Variants in ENTHD1 observed in about 807,000 individuals in gnomAD.
ENTHD1 encodes ENTH domain containing 1.
In ENTHD1, 23 loss-of-function variants were observed where a neutral mutation model predicts 39.1. The ratio of observed to expected loss-of-function variants is 0.59; its 90% CI spans 0.42 to 0.83. The LOEUF (loss-of-function observed/expected upper bound fraction) is 0.83. Among genes scored for constraint, ENTHD1 ranks in the 40% least tolerant of loss-of-function variants. The pLI, the probability that ENTHD1 is intolerant of heterozygous loss-of-function variation, is 0.00. For synonymous variants in ENTHD1, 230 were observed against 258.2 expected (o/e 0.89, Z 1.05); for missense variants, 624 against 705.4 (o/e 0.88, Z 1.31).
intron 4 of ENTHD1, among the ~76,000 whole-genome samples, chr22:39,824,438 T>C (rs1300771346): frequency 6.6e-6 from 1 of 152,064 alleles, no homozygotes; most frequent in African/African-American, 2.4e-5. Context: ...CTCAAACTCC[T>C]GACCTAGTGA....
chr22:39,891,708 T>C (rs890141429), intron 1 of ENTHD1, among the ~76,000 whole-genome samples: 1 of 151,690 alleles, frequency 6.6e-6, no homozygotes. Flanking sequence ...AACCTCCACC[T>C]CCCAGGTTCA....
At chr22:39,769,056 T>A (rs572339367) in intron 5 of ENTHD1, among the ~76,000 whole-genome samples, 11 of 151,776 alleles carry the variant, frequency 7.2e-5, no homozygotes, top group East Asian at 1.9e-4. Flanking sequence ...ATACACACAC[T>A]AACTTGTGTA....
At chr22:39,856,274 CAAAAAA>C (rs34598525) in intron 3 of ENTHD1, among the ~76,000 whole-genome samples, 2 of 50,768 alleles carry the variant, frequency 3.9e-5, no homozygotes, top group Non-Finnish European at 8.2e-5. Flanking sequence ...AACTTCATCT[CAAAAAA>C]AAAAAAAAAA....
chr22:39,838,816 A>T (rs1182495615), intron 3 of ENTHD1, among the ~76,000 whole-genome samples: 5 of 152,162 alleles, frequency 3.3e-5, no homozygotes, highest in African/African-American at 1.2e-4. Context: ...TGTAGAGAAG[A>T]TTTCCAAGCA....
At chr22:39,849,211 G>A (rs186665604) in intron 3 of ENTHD1, among the ~76,000 whole-genome samples, 16 of 152,300 alleles carry the variant, frequency 1.1e-4, no homozygotes, top group Admixed American at 7.8e-4. Flanking sequence ...TCTGGAATCA[G>A]TACATCAAAT....
intron 3 of ENTHD1, among the ~76,000 whole-genome samples, chr22:39,849,064 C>A (rs2066014551): frequency 6.6e-6 from 1 of 152,116 alleles, no homozygotes. Context: ...TTGGTCCATG[C>A]ACCTATCCTG....
chr22:39,764,013 A>C (rs1164751076), intron 6 of ENTHD1, among the ~76,000 whole-genome samples: 2 of 152,192 alleles, frequency 1.3e-5, no homozygotes, highest in Non-Finnish European at 1.5e-5. Context: ...CCTTTAGGCT[A>C]TTCAGTATCA....
intron 6 of ENTHD1, among the ~76,000 whole-genome samples, chr22:39,748,751 C>A (rs1383424139): frequency 6.6e-6 from 1 of 152,036 alleles, no homozygotes; most frequent in African/African-American, 2.4e-5. Context: ...TTTAAAGATA[C>A]GCAGTTAGGT....
At chr22:39,784,543 TACACACACACACACACACACAC>T (rs3044403) in intron 5 of ENTHD1, among the ~76,000 whole-genome samples, 1 of 142,360 alleles carries the variant, frequency 7.0e-6, no homozygotes, top group African/African-American at 2.6e-5. Context: ...TCTCTCTGTA[TACACACACACACACACACACAC>T]ACACACACAC....
At position 39,786,875 on chromosome 22, in the gene ENTHD1, T is replaced by A. The variant is rs540880607; in HGVS notation, c.833-21266A>T. Among the ~76,000 whole-genome samples the A allele has an allele frequency of 4.1e-4, 62 of 152,334 alleles. 1 individual carries two copies. Among genetic ancestry groups the A allele is most frequent in the African/African-American group, 1.3e-3 (52 of 41,580 alleles). On this transcript the variant is annotated intron_variant, in intron 5 of 6. Coordinates refer to ENST00000325157, the MANE Select transcript of ENTHD1 (RefSeq NM_152512.4). Reference sequence around the variant, plus strand: ...GTTGTCACAAATGACAGGATTTTTTTAAAAAGACTGAATAGTATTCCATTA... The same window carrying A: ...GTTGTCACAAATGACAGGATTTTTTAAAAAAGACTGAATAGTATTCCATTA...
chr22:39,879,704 A>G (rs2146762611), intron 2 of ENTHD1, among the ~76,000 whole-genome samples: 1 of 152,242 alleles, frequency 6.6e-6, no homozygotes, highest in Admixed American at 6.5e-5. Context: ...GCCACTTTAA[A>G]AGACAGTTTG....
At chr22:39,800,227 T>C (rs919540478) in intron 5 of ENTHD1, among the ~76,000 whole-genome samples, 2 of 152,204 alleles carry the variant, frequency 1.3e-5, no homozygotes, top group Non-Finnish European at 2.9e-5. Flanking sequence ...CTGGCTGCCT[T>C]GCTTCCCTCT....
intron 2 of ENTHD1, among the ~76,000 whole-genome samples, chr22:39,878,027 T>C (rs191286668): frequency 1.2e-4 from 18 of 150,442 alleles, no homozygotes; most frequent in Admixed American, 5.3e-4. Context: ...AAAATAACTA[T>C]GATTAATATG....
chr22:39,869,044 T>C (rs1399478056), intron 2 of ENTHD1, among the ~76,000 whole-genome samples: 1 of 152,220 alleles, frequency 6.6e-6, no homozygotes, highest in Non-Finnish European at 1.5e-5. Context: ...CGTTCAACCA[T>C]GGTAGAAAAC....
At chr22:39,744,481 A>G (rs1184173248) in intron 6 of ENTHD1, among the ~76,000 whole-genome samples, 198 bp from the exon 7 acceptor site, 2 of 152,218 alleles carry the variant, frequency 1.3e-5, no homozygotes, top group Admixed American at 1.3e-4. Context: ...GATGTATTAT[A>G]TATCAATAAT....
chr22:39,797,464 G>C (rs898839532), intron 5 of ENTHD1, among the ~76,000 whole-genome samples: 1 of 152,134 alleles, frequency 6.6e-6, no homozygotes, highest in African/African-American at 2.4e-5. Flanking sequence ...TATCACTGTA[G>C]TTGGGTGGTT....
chr22:39,783,484 C>G (rs1005560658), intron 5 of ENTHD1, among the ~76,000 whole-genome samples: 2 of 152,104 alleles, frequency 1.3e-5, no homozygotes, highest in African/African-American at 4.8e-5. Flanking sequence ...AGGCATCACA[C>G]TACCTCACTT....
At chr22:39,788,581 A>T (rs1375516281) in intron 5 of ENTHD1, among the ~76,000 whole-genome samples, 2 of 152,344 alleles carry the variant, frequency 1.3e-5, no homozygotes, top group South Asian at 4.1e-4. Context: ...AGAATATTAC[A>T]TAAATGTAGT....
intron 4 of ENTHD1, among the ~76,000 whole-genome samples, chr22:39,831,627 C>A (rs1601625592): frequency 6.6e-6 from 1 of 151,952 alleles, no homozygotes; most frequent in East Asian, 1.9e-4. Flanking sequence ...GAGTTCAAGA[C>A]CAGCCTGGCC....
Sources: allele counts gnomAD v4.1 joint callset (sites outside exome capture counted in the v4.1 genomes callset), GRCh38; gene constraint gnomAD v4.1.1; transcripts MANE v1.5; gene names NCBI Gene and HGNC (gene_info 2026-07-23, HGNC 2026-07-21).